CHD6: variants seen among roughly 807,000 people sequenced by gnomAD.
CHD6 encodes the protein ATP-dependent chromatin remodeler CHD6.
A neutral mutation model predicts 276.9 loss-of-function variants in CHD6; 50 were observed. The observed-to-expected ratio is 0.18, with a 90% CI of 0.14 to 0.23. CHD6 has a LOEUF of 0.23. CHD6 is among the 10% of genes least tolerant of loss of function. CHD6 has a pLI of 1.00. For missense variants in CHD6, 2,564 were observed against 3,365.8 expected (o/e 0.76, Z 5.89); for synonymous variants, 1,173 against 1,229.3 (o/e 0.95, Z 0.96).
At chr20:41,585,002 G>C (rs2045578767) in intron 1 of CHD6, among the ~76,000 whole-genome samples, 2 of 152,032 alleles carry the variant, frequency 1.3e-5, no homozygotes, top group Non-Finnish European at 2.9e-5. Context: ...AAACCAAAGC[G>C]AGTTTTTTAT....
chr20:41,530,419 G>A (rs1250860071), intron 3 of CHD6, among the ~76,000 whole-genome samples: 1 of 152,154 alleles, frequency 6.6e-6, no homozygotes, highest in Non-Finnish European at 1.5e-5. Flanking sequence ...CATTAAGTGA[G>A]TCATTTATAA....
chr20:41,486,930 A>G (rs2145845634), intron 14 of CHD6, among the ~76,000 whole-genome samples: 1 of 152,200 alleles, frequency 6.6e-6, no homozygotes, highest in East Asian at 1.9e-4. Context: ...TGCATTTTCA[A>G]ATTGTACTCT....
intron 1 of CHD6, among the ~76,000 whole-genome samples, chr20:41,606,045 T>G (rs2045824076): frequency 6.6e-6 from 1 of 152,204 alleles, no homozygotes; most frequent in Non-Finnish European, 1.5e-5. Context: ...AATGGTTGAC[T>G]CTGTCTCACC....
At chr20:41,476,810 GA>G (rs969690207) in intron 16 of CHD6, among the ~76,000 whole-genome samples, 11 of 141,810 alleles carry the variant, frequency 7.8e-5, no homozygotes, top group East Asian at 4.1e-4. Context: ...GAAAGAAAAA[GA>G]AAAAAAAAAG....
Position 41,415,392 on chromosome 20 carries a change from T to C in CHD6, c.6733A>G (p.Ile2245Val), listed in dbSNP as rs770140073. 2.0e-5 allele frequency: 32 copies of C among 1,613,576 alleles called. No individual in the cohort carries two copies. The South Asian group carries it at 3.1e-4, about 16-fold the overall frequency. The change falls in exon 34 of 37, where the codon ATC becomes GTC. Residue 2245 changes from isoleucine (I) to valine (V), a missense_variant. By Grantham distance (29) the Ile-to-Val change is conservative. Coordinates refer to ENST00000373233, the MANE Select transcript of CHD6 (RefSeq NM_032221.5). ...VSASTPKIGAISSLQGALGMD... is the reference protein window; with the variant it reads ...VSASTPKIGAVSSLQGALGMD... ...CCAAGGGCTCCCTGAAGTGAACTGA[T>C]AGCCCCAATCTTAGGGGTGCTGGCG...
rs768785211 is a variant in CHD6 at position 41,421,016 on chromosome 20, G to A, written c.5619C>T (p.Asn1873=). 1.5e-5 allele frequency: 24 copies of A among 1,613,346 alleles called. No individual in the cohort carries two copies. The East Asian group carries it at 2.0e-4, about 13-fold the overall frequency. The change falls in exon 31 of 37, where the codon AAC becomes AAT. Residue 1873 remains asparagine (N), a synonymous_variant. Coordinates refer to ENST00000373233, the MANE Select transcript of CHD6 (RefSeq NM_032221.5). ...HSDEEEEEEE[N]EEENLAMAVG... ...CTGCCATGGCTAAGTTTTCCTCCTC[G>A]TTTTCCTCCTCTTCTTCCTCCTCAT...
At chr20:41,428,901 T>C (rs1423615223) in intron 27 of CHD6, among the ~76,000 whole-genome samples, 2 of 152,190 alleles carry the variant, frequency 1.3e-5, no homozygotes, top group Non-Finnish European at 2.9e-5. Flanking sequence ...AGTGTGAAAG[T>C]ATACACAAAT....
rs1335759970 is a variant in CHD6 at position 41,404,512 on chromosome 20, G to A, written c.*81C>T. ...TACTTATGGAAACACAGGTTCTTATGGAGGTGAAGTGAGGGAAGTAACAAA... is the reference window on the plus strand; with the variant it reads ...TACTTATGGAAACACAGGTTCTTATAGAGGTGAAGTGAGGGAAGTAACAAA... On this transcript the variant is annotated 3_prime_UTR_variant, in exon 37 of 37. Transcript: ENST00000373233. 7.0e-7 allele frequency: 1 copy of A among 1,428,732 alleles called. No individual in the cohort carries two copies. Among genetic ancestry groups the A allele is most frequent in the Admixed American group, 2.6e-5 (1 of 38,934 alleles). 88.5% of individuals were successfully genotyped at this position (1,428,732 alleles called of 1,614,324 possible).
At chr20:41,605,193 T>C (rs1310063848) in intron 1 of CHD6, among the ~76,000 whole-genome samples, 1 of 152,184 alleles carries the variant, frequency 6.6e-6, no homozygotes, top group Non-Finnish European at 1.5e-5. Context: ...GTCAAAATGT[T>C]AATAACAGGT....
At position 41,425,026 on chromosome 20, in the gene CHD6, T is replaced by C. The variant is rs185405179; in HGVS notation, c.4346+152A>G. ...TCAGACTCCCATCACCATGATACCATCACAACTGAAGGCTGAATGTAATGA... is the reference window on the plus strand; with the variant it reads ...TCAGACTCCCATCACCATGATACCACCACAACTGAAGGCTGAATGTAATGA... On this transcript the variant is annotated intron_variant, in intron 29 of 36. Transcript: ENST00000373233. 2.8e-3 allele frequency: 1,785 copies of C among 642,216 alleles called. 21 individuals are homozygous for C. The highest frequency in any genetic ancestry group is 9.7e-4 in the Non-Finnish European group (350 of 360,592). The allele number at this position is 642,216 out of a possible 1,614,324, so 39.8% of individuals were successfully genotyped here. A position where few individuals can be genotyped will look rare whatever the true frequency, so the allele number is the denominator to read the frequency against.
At chr20:41,530,608 T>C (rs1432956124) in intron 3 of CHD6, among the ~76,000 whole-genome samples, 1 of 152,212 alleles carries the variant, frequency 6.6e-6, no homozygotes, top group Non-Finnish European at 1.5e-5. Flanking sequence ...ACATGCTTCA[T>C]ATGTAAAATT....
At chr20:41,427,521 T>C (rs1244524912) in intron 27 of CHD6, among the ~76,000 whole-genome samples, 1 of 152,162 alleles carries the variant, frequency 6.6e-6, no homozygotes, top group African/African-American at 2.4e-5. Flanking sequence ...GTCACACAGC[T>C]GGCAAGTGGC....
chr20:41,421,247 T>G lies in CHD6; in HGVS notation c.5388A>C (p.Gly1796=), dbSNP rs1453073892. 6.2e-7 allele frequency: 1 copy of G among 1,614,114 alleles called. No individual in the cohort carries two copies. Among genetic ancestry groups the G allele is most frequent in the Non-Finnish European group, 8.5e-7 (1 of 1,180,034 alleles). ...KEGELCCSEA[G]QRPENIGQLE... Reference sequence around the variant, plus strand: ...GCTGGCCAATGTTTTCAGGTCTCTGTCCTGCCTCACTGCAGCAGAGCTCCC... The same window carrying G: ...GCTGGCCAATGTTTTCAGGTCTCTGGCCTGCCTCACTGCAGCAGAGCTCCC... Residue 1796 remains glycine, a synonymous_variant, in exon 31 of 37, where the codon GGA becomes GGC. Coordinates refer to ENST00000373233, the MANE Select transcript of CHD6 (RefSeq NM_032221.5).
At chr20:41,559,179 A>C (rs910626254) in intron 1 of CHD6, among the ~76,000 whole-genome samples, 1 of 146,444 alleles carries the variant, frequency 6.8e-6, no homozygotes, top group South Asian at 2.2e-4. Flanking sequence ...CACACACACA[A>C]AGTAAACTTT....
In CHD6 at chr20:41,410,792, GAAAC is replaced by G. The variant is rs888097273; in HGVS notation, c.7251+1348_7251+1351del. ...AGGGAAACTGTTAGACACGGGGAAA[GAAAC>G]AAGCAAGCCAAGGGGGAACCACATG... On this transcript the variant is annotated intron_variant, in intron 36 of 36. Coordinates refer to ENST00000373233, the MANE Select transcript of CHD6 (RefSeq NM_032221.5). 4.5e-4 allele frequency among the ~76,000 whole-genome samples: 69 copies of G among 152,282 alleles called. 1 individual carries two copies. The highest frequency in any genetic ancestry group is 1.7e-3 in the African/African-American group (69 of 41,554).
In CHD6 at chr20:41,445,662, C is replaced by T. The variant is rs371678888; in HGVS notation, c.3877+3G>A. 6.2e-7 allele frequency: 1 copy of T among 1,605,070 alleles called. No homozygotes were observed. On this transcript the variant is annotated splice_donor_region_variant and intron_variant, in intron 25 of 36. Transcript: ENST00000373233. ...AAGGGAACGCCTTCAGAGAAATACA[C>T]ACCATGCTTGAACACGCCAATGAGA...
chr20:41,553,847 AATC>A, intron 1 of CHD6, among the ~76,000 whole-genome samples: 1 of 152,356 alleles, frequency 6.6e-6, no homozygotes, highest in South Asian at 2.1e-4. Context: ...AACAAAATGA[AATC>A]ATTAAAAATT....
At chr20:41,480,003 G>A (rs2043258756) in intron 16 of CHD6, among the ~76,000 whole-genome samples, 1 of 152,194 alleles carries the variant, frequency 6.6e-6, no homozygotes, top group Non-Finnish European at 1.5e-5. Context: ...ATTCTGTAGG[G>A]AAATGATTTA....
At chr20:41,594,771 T>C (rs960378541) in intron 1 of CHD6, among the ~76,000 whole-genome samples, 1 of 152,216 alleles carries the variant, frequency 6.6e-6, no homozygotes, top group African/African-American at 2.4e-5. Flanking sequence ...TCTCGCCTAA[T>C]TGACCTTATT....
Sources: gnomAD v4.1 joint callset for allele counts (sites outside exome capture counted in the v4.1 genomes callset) on GRCh38, gnomAD v4.1.1 for gene constraint, MANE v1.5 for transcripts, NCBI Gene and HGNC (gene_info 2026-07-23, HGNC 2026-07-21) for gene names.